The following PCDHGB1 variants were observed in gnomAD, a reference collection of about 807,000 sequenced individuals.
The protein encoded by PCDHGB1 is protocadherin gamma subfamily B, 1.
A neutral mutation model predicts 56.6 loss-of-function variants in PCDHGB1; 34 were observed. The ratio of observed to expected loss-of-function variants is 0.60; its 90% CI spans 0.46 to 0.80. The LOEUF is 0.80. Ranked by LOEUF, PCDHGB1 falls within the 30% of genes least tolerant of loss-of-function variation. The probability of loss-of-function intolerance (pLI) is 0.00; values close to 1 mark genes in which losing one functional copy is unlikely to be tolerated. For missense variants in PCDHGB1, 1,278 were observed against 1,204.6 expected (o/e 1.06, Z -0.90); for synonymous variants, 561 against 505.9 (o/e 1.11, Z -1.46).
chr5:141,461,323 T>C (rs2099013372), intron 1 of PCDHGB1, among the ~76,000 whole-genome samples: 1 of 152,176 alleles, frequency 6.6e-6, no homozygotes, highest in African/African-American at 2.4e-5. Context: ...TTTTTAATAA[T>C]GGCCATTCTT....
chr5:141,421,380 G>A, intron 1 of PCDHGB1: 1 of 1,614,064 alleles, frequency 6.2e-7, no homozygotes, highest in Non-Finnish European at 8.5e-7. Context: ...ATATCTCCAA[G>A]GACCTGGGGC....
At chr5:141,495,286 A>T (rs1341490472) in intron 2 of PCDHGB1, among the ~76,000 whole-genome samples, 2 of 152,088 alleles carry the variant, frequency 1.3e-5, no homozygotes, top group Non-Finnish European at 2.9e-5. Context: ...GGCGGTCCGC[A>T]CTCAGCGCCT....
intron 1 of PCDHGB1, chr5:141,428,404 T>A (rs375988962): frequency 2.3e-5 from 11 of 476,688 alleles, no homozygotes; most frequent in East Asian, 2.1e-4. Flanking sequence ...TGCCTGGGGT[T>A]GCTTTCACCC....
intron 1 of PCDHGB1, chr5:141,426,340 C>A: frequency 5.3e-6 from 1 of 190,288 alleles, no homozygotes; most frequent in Non-Finnish European, 1.1e-5. Flanking sequence ...AGCACTCTTC[C>A]CTTTCCTGCT....
At chr5:141,394,754 G>A (rs753264235) in intron 1 of PCDHGB1, 3 of 1,613,428 alleles carry the variant, frequency 1.9e-6, no homozygotes, top group African/African-American at 2.7e-5. Flanking sequence ...TGGCCGTCCA[G>A]GACCATGGCC....
At chr5:141,361,539 C>T (rs754978831) in intron 1 of PCDHGB1, 2 of 1,614,028 alleles carry the variant, frequency 1.2e-6, no homozygotes, top group South Asian at 1.1e-5. Context: ...ATCCTCCTGG[C>T]GCCTCTATCG....
At position 141,431,274 on chromosome 5, in the gene PCDHGB1, TC is replaced by T. The variant is rs767658803; in HGVS notation, c.2410-63532del. On this transcript the variant is annotated intron_variant, in intron 1 of 3. Transcript: ENST00000523390. The surrounding 1 kb of genome is among the most constrained non-coding windows in gnomAD (Gnocchi z 4.8). ...AAGAACTCTCTGCAGAGCTACGAGC[TC>T]AGCCCGAACACTCACTTCTCCCTCA... 6 of 1,614,128 alleles carry T rather than the reference TC, an allele frequency of 3.7e-6. No homozygotes were observed. Among genetic ancestry groups the T allele is most frequent in the Non-Finnish European group, 5.1e-6 (6 of 1,180,024 alleles).
In PCDHGB1 at chr5:141,487,406, C is replaced by T; in HGVS notation, c.2410-7401C>T. The T allele has an allele frequency of 6.2e-7, 1 of 1,614,200 alleles. No individual in the cohort carries two copies. The highest frequency in any genetic ancestry group is 8.5e-7 in the Non-Finnish European group (1 of 1,180,044). ...ATCTCGAAGGAGGGAGGGGCTTCCC[C>T]CTTCCAATGGGATCCTCCGAATCCA... On this transcript the variant is annotated intron_variant, in intron 1 of 3. Coordinates refer to ENST00000523390, the MANE Select transcript of PCDHGB1 (RefSeq NM_018922.3). The surrounding 1 kb of genome is among the most constrained non-coding windows in gnomAD (Gnocchi z 5.0).
At position 141,384,421 on chromosome 5, in the gene PCDHGB1, A is replaced by T. The variant is rs764678416; in HGVS notation, c.2409+31752A>T. The T allele has an allele frequency of 1.9e-6, 3 of 1,613,914 alleles. No homozygotes were observed. In the South Asian group the frequency reaches 3.3e-5, roughly 18 times the overall value. ...TCCAGTGTCCTCCTATGTCTCCATA[A>T]ACTCTGACACTGGAGTCCTGTACGC... On this transcript the variant is annotated intron_variant, in intron 1 of 3. Transcript: ENST00000523390.
intron 3 of PCDHGB1, among the ~76,000 whole-genome samples, chr5:141,509,776 C>T (rs898626809): frequency 7.2e-5 from 11 of 152,140 alleles, no homozygotes; most frequent in African/African-American, 9.7e-5. Context: ...GTCTAGTCCC[C>T]GAGATCATCA....
rs115808055 is a variant in PCDHGB1 at position 141,476,782 on chromosome 5, A to G, written c.2410-18025A>G. Reference sequence around the variant, plus strand: ...TGACGGCGTTGGACGGAGGGACCCCAGCTCTCTCCGCCAGCCTGCCTATTC... The same window carrying G: ...TGACGGCGTTGGACGGAGGGACCCCGGCTCTCTCCGCCAGCCTGCCTATTC... On this transcript the variant is annotated intron_variant, in intron 1 of 3. Transcript: ENST00000523390. This position sits in a 1 kb window ranked among gnomAD's most constrained non-coding sequence, Gnocchi z 7.6. 18,517 of 1,613,566 alleles carry G rather than the reference A, an allele frequency of 0.011. 139 individuals are homozygous for G. Among genetic ancestry groups the G allele is most frequent in the Non-Finnish European group, 0.014 (16,976 of 1,179,996 alleles).
intron 3 of PCDHGB1, among the ~76,000 whole-genome samples, chr5:141,508,954 C>A (rs2154594435): frequency 6.6e-6 from 1 of 152,170 alleles, no homozygotes; most frequent in Admixed American, 6.5e-5. Context: ...AGAGAAATGT[C>A]AGCGGAATGA....
chr5:141,413,265 T>C, intron 1 of PCDHGB1: 1 of 1,613,958 alleles, frequency 6.2e-7, no homozygotes, highest in Non-Finnish European at 8.5e-7. Context: ...CATGGGAGGC[T>C]GGAGCCCGGC....
intron 1 of PCDHGB1, chr5:141,389,183 T>C: frequency 6.2e-7 from 1 of 1,613,988 alleles, no homozygotes. Context: ...TCTCCTCCAG[T>C]TCCAGCATCA....
chr5:141,360,033 C>G, intron 1 of PCDHGB1: 1 of 1,391,410 alleles, frequency 7.2e-7, no homozygotes, highest in Non-Finnish European at 9.5e-7. Context: ...AGTATAGATT[C>G]GGAAACAGAA....
chr5:141,469,036 G>T (rs1396748159), intron 1 of PCDHGB1, among the ~76,000 whole-genome samples: 2 of 152,076 alleles, frequency 1.3e-5, no homozygotes, highest in Non-Finnish European at 2.9e-5. Flanking sequence ...CAGCACTTTG[G>T]GAGGCCAAGG....
intron 1 of PCDHGB1, among the ~76,000 whole-genome samples, chr5:141,407,447 G>A (rs1347838571): frequency 3.9e-5 from 6 of 152,260 alleles, no homozygotes; most frequent in African/African-American, 2.4e-5. Context: ...ACCAGAACAC[G>A]AGGCTCACCA....
intron 1 of PCDHGB1, among the ~76,000 whole-genome samples, chr5:141,437,913 T>G (rs1232481433): frequency 6.6e-6 from 1 of 152,138 alleles, no homozygotes; most frequent in East Asian, 1.9e-4. Context: ...AATTTTTGTA[T>G]TTTTAGTAGA....
rs774780380 is a variant in PCDHGB1 at position 141,432,864 on chromosome 5, G to C, written c.2410-61943G>C. Reference sequence around the variant, plus strand: ...GTGGTAGCGGTGGCCGCGGTCTCCTGCGTCTTCCTGGCCTTCGTCATCTTG... The same window carrying C: ...GTGGTAGCGGTGGCCGCGGTCTCCTCCGTCTTCCTGGCCTTCGTCATCTTG... On this transcript the variant is annotated intron_variant, in intron 1 of 3. Coordinates refer to ENST00000523390, the MANE Select transcript of PCDHGB1 (RefSeq NM_018922.3). The surrounding 1 kb of genome is among the most constrained non-coding windows in gnomAD (Gnocchi z 6.0). 6.2e-7 allele frequency: 1 copy of C among 1,614,168 alleles called. No homozygotes were observed.
Sources: allele counts gnomAD v4.1 joint callset (sites outside exome capture counted in the v4.1 genomes callset), GRCh38; gene constraint gnomAD v4.1.1; non-coding constraint Gnocchi (gnomAD v3.1); transcripts MANE v1.5; gene names NCBI Gene and HGNC (gene_info 2026-07-23, HGNC 2026-07-21).